Variants in EIF5B observed in about 807,000 individuals in gnomAD.
The protein encoded by EIF5B is eIF-5B.
EIF5B carries 47 observed loss-of-function variants against 147.5 expected under a neutral mutation model. The ratio of observed to expected loss-of-function variants is 0.32; its 90% confidence interval spans 0.25 to 0.41. EIF5B has a LOEUF of 0.41. Among genes scored for constraint, EIF5B ranks in the 10% least tolerant of loss-of-function variants. The pLI is 1.00. For missense variants in EIF5B, 1,064 were observed against 1,413.2 expected (o/e 0.75, Z 3.96); for synonymous variants, 455 against 456.2 (o/e 1.00, Z 0.03).
In EIF5B at chr2:99,382,761, T is replaced by G; in HGVS notation, c.2130-19T>G. 2 of 1,577,154 alleles carry G rather than the reference T, an allele frequency of 1.3e-6. No individual in the cohort carries two copies. The highest frequency in any genetic ancestry group is 1.7e-6 in the Non-Finnish European group (2 of 1,169,000). ...TTTCAAGATTTTCTACTTATAGATCTTTTCCTTCTTTTCAACAGTAATCTG... is the reference window on the plus strand; with the variant it reads ...TTTCAAGATTTTCTACTTATAGATCGTTTCCTTCTTTTCAACAGTAATCTG... On this transcript the variant is annotated intron_variant, in intron 13 of 23. Coordinates refer to ENST00000289371, the MANE Select transcript of EIF5B (RefSeq NM_015904.4).
chr2:99,341,961 G>A (rs1272826320), intron 1 of EIF5B, among the ~76,000 whole-genome samples: 2 of 152,096 alleles, frequency 1.3e-5, no homozygotes, highest in African/African-American at 4.8e-5. Context: ...AATGAAAAAG[G>A]CTAGTATCCT....
At chr2:99,374,373 T>C (rs1358525278) in intron 9 of EIF5B, among the ~76,000 whole-genome samples, 1 of 152,044 alleles carries the variant, frequency 6.6e-6, no homozygotes, top group Non-Finnish European at 1.5e-5. Flanking sequence ...TTATATTTTA[T>C]ATAGTCAATA....
intron 9 of EIF5B, among the ~76,000 whole-genome samples, chr2:99,375,222 T>C (rs1055914763): frequency 5.9e-5 from 9 of 152,252 alleles, no homozygotes; most frequent in African/African-American, 2.2e-4. Flanking sequence ...TGTTTTCTCA[T>C]GTGCCTTGCT....
rs1286937446 is a variant in EIF5B, at chr2:99,389,705, A to T, written c.2272-13A>T. 2.5e-6 allele frequency: 4 copies of T among 1,581,264 alleles called. No homozygotes were observed. The highest frequency in any genetic ancestry group is 1.2e-5 in the South Asian group (1 of 84,870). ...ATTTTTTAGAGATCTTTCTCATGAAAAAACTTTTTCAGATTGATAGGTTAT... is the reference window on the plus strand; with the variant it reads ...ATTTTTTAGAGATCTTTCTCATGAATAAACTTTTTCAGATTGATAGGTTAT... On this transcript the variant is annotated splice_polypyrimidine_tract_variant and intron_variant, in intron 14 of 23. Coordinates refer to ENST00000289371, the MANE Select transcript of EIF5B (RefSeq NM_015904.4).
At chr2:99,338,937 T>TATATATATATATATATATAC (rs1491555384) in intron 1 of EIF5B, among the ~76,000 whole-genome samples, 18 of 134,668 alleles carry the variant, frequency 1.3e-4, no homozygotes, top group East Asian at 1.3e-3. Flanking sequence ...TATATATATA[T>TATATATATATATATATATAC]ACAAATATAT....
At chr2:99,365,686 A>C (rs1574927898) in intron 6 of EIF5B, among the ~76,000 whole-genome samples, 1 of 152,224 alleles carries the variant, frequency 6.6e-6, no homozygotes, top group Non-Finnish European at 1.5e-5. Flanking sequence ...TTTTAGCATC[A>C]GTCTTTAGCA....
At position 99,396,847 on chromosome 2, in the gene EIF5B, G is replaced by T; in HGVS notation, c.3342G>T (p.Val1114=). Residue 1114 remains valine, a synonymous_variant, in exon 22 of 24, where the codon GTG becomes GTT. Transcript: ENST00000289371. ...SRDPIVMGVT[V]EAGQVKQGTP... ...ATCCGATAGTGATGGGGGTGACGGT[G>T]GAAGCAGGTCAGGTGAAACAGGGGA... 3.7e-6 allele frequency: 6 copies of T among 1,613,098 alleles called. No homozygotes were observed. The highest frequency in any genetic ancestry group is 4.2e-6 in the Non-Finnish European group (5 of 1,179,750).
At chr2:99,354,110 CTG>C (rs1330030206) in intron 1 of EIF5B, among the ~76,000 whole-genome samples, 2 of 152,190 alleles carry the variant, frequency 1.3e-5, no homozygotes, top group East Asian at 3.9e-4. Flanking sequence ...AACTGATAGA[CTG>C]TTTTCCAGAG....
chr2:99,400,646 G>A lies in EIF5B; in HGVS notation c.*1232G>A, dbSNP rs896139038. On this transcript the variant is annotated 3_prime_UTR_variant, in exon 24 of 24. Coordinates refer to ENST00000289371, the MANE Select transcript of EIF5B (RefSeq NM_015904.4). ...TGATCTACGGGACATAATGTTCCCAGGAAAAAAATCTTCAAGTGGGTGTGA... is the reference window on the plus strand; with the variant it reads ...TGATCTACGGGACATAATGTTCCCAAGAAAAAAATCTTCAAGTGGGTGTGA... 6.6e-6 allele frequency: 1 copy of A among 152,078 alleles called. No homozygotes were observed. The highest frequency in any genetic ancestry group is 1.5e-5 in the Non-Finnish European group (1 of 68,018). 9.4% of individuals were successfully genotyped at this position (152,078 alleles called of 1,614,324 possible).
intron 8 of EIF5B, among the ~76,000 whole-genome samples, chr2:99,371,303 A>G (rs946718497): frequency 6.6e-6 from 1 of 152,148 alleles, no homozygotes; most frequent in Admixed American, 6.5e-5. Context: ...CCTGGCTAAC[A>G]CGGTGAAACC....
intron 12 of EIF5B, among the ~76,000 whole-genome samples, chr2:99,381,552 T>A (rs1674690308): frequency 1.3e-5 from 2 of 151,382 alleles, no homozygotes; most frequent in East Asian, 1.9e-4. Flanking sequence ...TGTGTGTGTG[T>A]GAAATTAGTT....
chr2:99,390,258 C>T lies in EIF5B; in HGVS notation c.2443C>T (p.Arg815Cys), dbSNP rs1388114536. 1.2e-6 allele frequency: 2 copies of T among 1,613,856 alleles called. No homozygotes were observed. The highest frequency in any genetic ancestry group is 1.3e-5 in the African/African-American group (1 of 74,834). ...TTTGTTTTATGAGAATAAAGATCCC[C>T]GCACTTTTGTGTCTTTGGTACCTAC... is the stretch of plus-strand genomic sequence containing the variant. ...AALFYENKDP[R>C]TFVSLVPTSA... is the part of the protein sequence containing the mutation. The change falls in exon 16 of 24, where the codon CGC (arginine) becomes TGC (cysteine). Residue 815 changes from arginine to cysteine, a missense_variant. By Grantham distance (180) the Arg-to-Cys change is radical (BLOSUM62 -3). Transcript: ENST00000289371.
rs1370532888 is a variant in EIF5B at position 99,382,776 on chromosome 2, A to G, written c.2130-4A>G. ...CTTATAGATCTTTTCCTTCTTTTCA[A>G]CAGTAATCTGAGAAATAGAGGAAGC... On this transcript the variant is annotated splice_region_variant and splice_polypyrimidine_tract_variant and intron_variant, in intron 13 of 23. Coordinates refer to ENST00000289371, the MANE Select transcript of EIF5B (RefSeq NM_015904.4). The G allele has an allele frequency of 3.1e-6, 5 of 1,589,212 alleles. No individual in the cohort carries two copies. Among genetic ancestry groups the G allele is most frequent in the African/African-American group, 1.4e-5 (1 of 73,174 alleles).
At chr2:99,381,135 T>C (rs996618180) in intron 12 of EIF5B, among the ~76,000 whole-genome samples, 1 of 152,244 alleles carries the variant, frequency 6.6e-6, no homozygotes, top group African/African-American at 2.4e-5. Context: ...TCTTGAATTA[T>C]AGCTTTTCAA....
chr2:99,369,546 G>A (rs763904935), intron 8 of EIF5B, 65 bp downstream of exon 8: 2 of 1,329,532 alleles, frequency 1.5e-6, no homozygotes, highest in South Asian at 1.3e-5. Context: ...TGTGTCATAA[G>A]TTGTCTTAGT....
intron 6 of EIF5B, among the ~76,000 whole-genome samples, chr2:99,364,973 A>G (rs972531603): frequency 6.6e-6 from 1 of 152,152 alleles, no homozygotes; most frequent in Non-Finnish European, 1.5e-5. Context: ...GTTTATCCAA[A>G]GAGCTTTTGT....
In EIF5B at chr2:99,396,625, T is replaced by TG. The variant is rs746486026; in HGVS notation, c.3255-134dup. ...GGGGTGGCCCTGGGCTGCAGCACCC[T>TG]GCCTGCCCCTCTCCTGTGGCCGCTG... On this transcript the variant is annotated intron_variant, in intron 21 of 23. Transcript: ENST00000289371. 5.8e-4 allele frequency: 636 copies of TG among 1,102,644 alleles called. 1 individual carries two copies. The highest frequency in any genetic ancestry group is 1.9e-3 in the Middle Eastern group (6 of 3,162). 68.3% of individuals were successfully genotyped at this position (1,102,644 alleles called of 1,614,324 possible). A position where few individuals can be genotyped will look rare whatever the true frequency, so the allele number is the denominator to read the frequency against.
chr2:99,357,035 A>T (rs1674111295), intron 1 of EIF5B, among the ~76,000 whole-genome samples: 1 of 152,110 alleles, frequency 6.6e-6, no homozygotes, highest in Admixed American at 6.5e-5. Flanking sequence ...GTCTGTGGTT[A>T]GTGTTTTCAT....
intron 1 of EIF5B, among the ~76,000 whole-genome samples, chr2:99,347,269 A>G (rs1418252306): frequency 6.6e-6 from 1 of 152,162 alleles, no homozygotes; most frequent in Non-Finnish European, 1.5e-5. Flanking sequence ...GGCCTCCCAA[A>G]GTGTTGGGAT....
Sources: gnomAD v4.1 joint callset for allele counts (sites outside exome capture counted in the v4.1 genomes callset) on GRCh38, gnomAD v4.1.1 for gene constraint, MANE v1.5 for transcripts, NCBI Gene and HGNC (gene_info 2026-07-23, HGNC 2026-07-21) for gene names.